Variants in GOLIM4 observed in about 807,000 individuals in gnomAD.
GOLIM4 encodes 130 kDa golgi-localized phosphoprotein.
GOLIM4 carries 71 observed loss-of-function variants against 107.4 expected under a neutral mutation model. The ratio of observed to expected loss-of-function variants is 0.66; its 90% CI spans 0.55 to 0.81. The LOEUF (loss-of-function observed/expected upper bound fraction) is 0.81. Among genes scored for constraint, GOLIM4 ranks in the 30% least tolerant of loss-of-function variants. The pLI is 0.00. For synonymous variants in GOLIM4, 327 were observed against 294.8 expected (o/e 1.11, Z -1.12); for missense variants, 830 against 826.1 (o/e 1.00, Z -0.06).
intron 5 of GOLIM4, among the ~76,000 whole-genome samples, chr3:168,043,086 C>T (rs769452055): frequency 4.6e-5 from 7 of 152,208 alleles, no homozygotes; most frequent in Non-Finnish European, 1.0e-4. Context: ...CTATCTGTCT[C>T]GCAACCCAGT....
chr3:168,071,048 G>A (rs577012051), intron 1 of GOLIM4, among the ~76,000 whole-genome samples: 1 of 152,252 alleles, frequency 6.6e-6, no homozygotes, highest in South Asian at 2.1e-4. Context: ...AGTACCTGGG[G>A]CACACTGATT....
chr3:168,063,863 C>T (rs1473202617), intron 1 of GOLIM4, among the ~76,000 whole-genome samples: 1 of 151,750 alleles, frequency 6.6e-6, no homozygotes, highest in African/African-American at 2.4e-5. Context: ...TGCACATGTA[C>T]CCCCGAGCCT....
intron 3 of GOLIM4, among the ~76,000 whole-genome samples, chr3:168,046,307 A>T (rs1259733399): frequency 6.6e-6 from 1 of 151,896 alleles, no homozygotes; most frequent in Admixed American, 6.6e-5. Flanking sequence ...TATTTATTTA[A>T]TTTTTATTTT....
In GOLIM4 at chr3:168,063,639, A is replaced by C. The variant is rs746988742; in HGVS notation, c.188-15274T>G. On this transcript the variant is annotated intron_variant, in intron 1 of 15. Transcript: ENST00000470487. Reference sequence around the variant, plus strand: ...AGCATGTAAAAGCCTTCAAGAGTAGAAGGCTGAGATCACTGGGTGAGACCC... The same window carrying C: ...AGCATGTAAAAGCCTTCAAGAGTAGCAGGCTGAGATCACTGGGTGAGACCC... 2.5e-4 allele frequency among the ~76,000 whole-genome samples: 38 copies of C among 150,736 alleles called. 1 individual carries two copies. Among genetic ancestry groups the C allele is most frequent in the Middle Eastern group, 6.9e-3 (2 of 290 alleles).
intron 1 of GOLIM4, among the ~76,000 whole-genome samples, chr3:168,067,543 ACTAT>A (rs1720614509): frequency 6.6e-6 from 1 of 151,400 alleles, no homozygotes; most frequent in Middle Eastern, 3.4e-3. Context: ...CACACACAAA[ACTAT>A]CTTTTTACAA....
intron 14 of GOLIM4, among the ~76,000 whole-genome samples, chr3:168,017,621 A>G (rs1485204345): frequency 1.3e-5 from 2 of 152,242 alleles, no homozygotes; most frequent in Non-Finnish European, 2.9e-5. Context: ...CACTATCTAG[A>G]TCAAGCTTGT....
At chr3:168,057,385 C>A (rs1306011822) in intron 1 of GOLIM4, among the ~76,000 whole-genome samples, 1 of 152,158 alleles carries the variant, frequency 6.6e-6, no homozygotes, top group African/African-American at 2.4e-5. Context: ...ACAGATACTA[C>A]CTGAGACTGG....
At chr3:168,050,864 AATAAT>A (rs1275547340) in intron 1 of GOLIM4, among the ~76,000 whole-genome samples, 8 of 137,876 alleles carry the variant, frequency 5.8e-5, no homozygotes, top group African/African-American at 2.1e-4. Flanking sequence ...TAATAATAAT[AATAAT>A]AAAACCTAGC....
chr3:168,029,660 C>T (rs1200014971), intron 10 of GOLIM4, 120 bp downstream of exon 10: 1 of 1,085,150 alleles, frequency 9.2e-7, no homozygotes, highest in Non-Finnish European at 1.3e-6. Flanking sequence ...CCTGCCTTGG[C>T]TATTTGAGCA....
intron 1 of GOLIM4, among the ~76,000 whole-genome samples, chr3:168,086,552 C>A (rs1395682520): frequency 1.3e-5 from 2 of 152,142 alleles, no homozygotes; most frequent in East Asian, 1.9e-4. Context: ...CAAATAATAT[C>A]ATTTCAATGT....
At chr3:168,074,503 G>C (rs1720976614) in intron 1 of GOLIM4, among the ~76,000 whole-genome samples, 1 of 152,100 alleles carries the variant, frequency 6.6e-6, no homozygotes, top group South Asian at 2.1e-4. Flanking sequence ...GTGAGCTTGA[G>C]AACAGCTAAA....
chr3:168,060,126 G>T (rs1359338828), intron 1 of GOLIM4, among the ~76,000 whole-genome samples: 3 of 151,548 alleles, frequency 2.0e-5, no homozygotes, highest in Non-Finnish European at 4.4e-5. Flanking sequence ...TTAGAGATGG[G>T]GTCTCACTAT....
intron 1 of GOLIM4, among the ~76,000 whole-genome samples, chr3:168,073,962 C>T (rs1337563791): frequency 6.6e-6 from 1 of 152,126 alleles, no homozygotes; most frequent in Middle Eastern, 3.2e-3. Context: ...CAGCCTATGT[C>T]CCAAGTGGTG....
chr3:168,048,644 G>GCT (rs898477499), intron 1 of GOLIM4, among the ~76,000 whole-genome samples: 1 of 152,142 alleles, frequency 6.6e-6, no homozygotes, highest in African/African-American at 2.4e-5. Flanking sequence ...CCTCTTAAAT[G>GCT]CAAGTGTCTT....
In GOLIM4 at chr3:168,032,506, G is replaced by A. The variant is rs376594036; in HGVS notation, c.1176+14C>T. On this transcript the variant is annotated intron_variant, in intron 9 of 15. Transcript: ENST00000470487. ...CATCCCAGTACACCATACCAGAAGC[G>A]GGTGACTTCATACCTCAGCACGCGC... 931 of 1,595,376 alleles carry A rather than the reference G, an allele frequency of 5.8e-4. 9 individuals are homozygous for A. Among genetic ancestry groups the A allele is most frequent in the South Asian group, 4.2e-3 (381 of 90,708 alleles).
At chr3:168,060,226 G>C (rs1183968482) in intron 1 of GOLIM4, among the ~76,000 whole-genome samples, 1 of 151,952 alleles carries the variant, frequency 6.6e-6, no homozygotes, top group Non-Finnish European at 1.5e-5. Flanking sequence ...GCCAGCTCCA[G>C]TGCAGAGATC....
rs750177542 is a variant in GOLIM4 at position 168,030,748 on chromosome 3, G to A, written c.1177-712C>T. On this transcript the variant is annotated intron_variant, in intron 9 of 15. Coordinates refer to ENST00000470487, the MANE Select transcript of GOLIM4 (RefSeq NM_014498.5). ...AGGATGTGGAGAAAGGGGAACCCTCGTACGCTGTTGGTGAGAATGTAAATT... is the reference window on the plus strand; with the variant it reads ...AGGATGTGGAGAAAGGGGAACCCTCATACGCTGTTGGTGAGAATGTAAATT... Among the ~76,000 whole-genome samples, 14 of 152,096 alleles carry A rather than the reference G, an allele frequency of 9.2e-5. No homozygotes were observed. In the East Asian group the frequency reaches 9.6e-4, roughly 10 times the overall value.
At chr3:168,053,281 G>A (rs935035348) in intron 1 of GOLIM4, among the ~76,000 whole-genome samples, 1 of 152,224 alleles carries the variant, frequency 6.6e-6, no homozygotes, top group Non-Finnish European at 1.5e-5. Flanking sequence ...AAATTAGGCA[G>A]AAAACACTGC....
chr3:168,067,251 C>A (rs1720598342), intron 1 of GOLIM4, among the ~76,000 whole-genome samples: 1 of 152,034 alleles, frequency 6.6e-6, no homozygotes, highest in Non-Finnish European at 1.5e-5. Flanking sequence ...ACCATACTTA[C>A]AACTAGTCCA....
Sources: allele counts gnomAD v4.1 joint callset (sites outside exome capture counted in the v4.1 genomes callset), GRCh38; gene constraint gnomAD v4.1.1; transcripts MANE v1.5; gene names NCBI Gene and HGNC (gene_info 2026-07-23, HGNC 2026-07-21).